Variants in ZMAT4 observed in about 807,000 individuals in gnomAD.
The protein encoded by ZMAT4 is zinc finger matrin-type protein 4.
ZMAT4 carries 17 observed loss-of-function variants against 28.7 expected under a neutral mutation model. The observed-to-expected ratio is 0.59, with a 90% confidence interval of 0.41 to 0.89. The LOEUF is 0.89. Ranked by LOEUF, ZMAT4 falls within the 40% of genes least tolerant of loss-of-function variation. The probability of loss-of-function intolerance (pLI) is 0.00; values close to 1 mark genes in which losing one functional copy is unlikely to be tolerated. For synonymous variants in ZMAT4, 117 were observed against 109.2 expected, an observed-to-expected ratio of 1.07 and a Z score of -0.44; for missense variants, 240 against 283.8, an observed-to-expected ratio of 0.85 and a Z score of 1.11.
chr8:40,844,563 A>G (rs1327779913), intron 1 of ZMAT4, among the ~76,000 whole-genome samples: 1 of 151,828 alleles, frequency 6.6e-6, no homozygotes, highest in African/African-American at 2.4e-5. Context: ...CTCCATTATC[A>G]TGTGAGCTGA....
chr8:40,604,436 C>T (rs760432173), intron 5 of ZMAT4, among the ~76,000 whole-genome samples: 16 of 152,118 alleles, frequency 1.1e-4, no homozygotes, highest in Non-Finnish European at 2.1e-4. Flanking sequence ...TAAAGTGATG[C>T]TGGATTTTGT....
At position 40,767,886 on chromosome 8, in the gene ZMAT4, G is replaced by C. The variant is rs539706789; in HGVS notation, c.103-156C>G. 2.4e-4 allele frequency among the ~76,000 whole-genome samples: 37 copies of C among 152,300 alleles called. No individual in the cohort carries two copies. The South Asian group carries it at 7.5e-3, about 31-fold the overall frequency. On this transcript the variant is annotated intron_variant, in intron 2 of 6. Transcript: ENST00000297737. Reference sequence around the variant, plus strand: ...GGGATGTAGGATGTAGTTTCAGATAGGTTAAGTGGCTTGCCCCAAGTTCTA... The same window carrying C: ...GGGATGTAGGATGTAGTTTCAGATACGTTAAGTGGCTTGCCCCAAGTTCTA...
chr8:40,739,626 TTTTG>T (rs750228554), intron 3 of ZMAT4, among the ~76,000 whole-genome samples: 5 of 152,108 alleles, frequency 3.3e-5, no homozygotes, highest in Non-Finnish European at 7.4e-5. Flanking sequence ...CTATCAGGGT[TTTTG>T]TTTGTTTGTT....
intron 3 of ZMAT4, among the ~76,000 whole-genome samples, chr8:40,766,340 T>C (rs566053292): frequency 6.6e-6 from 1 of 152,378 alleles, no homozygotes; most frequent in South Asian, 2.1e-4. Context: ...AGTGCCTGCA[T>C]GTGATGCTTG....
intron 2 of ZMAT4, among the ~76,000 whole-genome samples, chr8:40,801,349 A>T (rs867993305): frequency 0.013 from 625 of 48,642 alleles, 11 homozygotes; most frequent in East Asian, 0.056. Flanking sequence ...TTTAAAAAAA[A>T]AAATATATAT....
chr8:40,896,494 G>T (rs1412359323), intron 1 of ZMAT4, among the ~76,000 whole-genome samples: 1 of 152,202 alleles, frequency 6.6e-6, no homozygotes, highest in Non-Finnish European at 1.5e-5. Flanking sequence ...ACAAGCAGAA[G>T]CTGCCTTCGC....
chr8:40,818,470 G>C (rs1485736589), intron 2 of ZMAT4, among the ~76,000 whole-genome samples: 1 of 152,212 alleles, frequency 6.6e-6, no homozygotes, highest in Non-Finnish European at 1.5e-5. Flanking sequence ...ATATTACGAA[G>C]ATATTACCCT....
intron 1 of ZMAT4, among the ~76,000 whole-genome samples, chr8:40,836,054 G>T (rs1471338670): frequency 1.3e-5 from 2 of 152,162 alleles, no homozygotes; most frequent in African/African-American, 4.8e-5. Context: ...CTACACAGCA[G>T]CCTCCCCCGT....
rs72008675 is a variant in ZMAT4 at position 40,756,426 on chromosome 8, TTATATATATA to T, written c.192+11205_192+11214del. 0.029 allele frequency among the ~76,000 whole-genome samples: 2,109 copies of T among 73,296 alleles called. 289 individuals carry two copies. The East Asian group carries it at 0.37, about 13-fold the overall frequency. 48.1% of individuals were successfully genotyped at this position (73,296 alleles called of 152,430 possible). A position where few individuals can be genotyped will look rare whatever the true frequency, so the allele number is the denominator to read the frequency against. On this transcript the variant is annotated intron_variant, in intron 3 of 6. Transcript: ENST00000297737. ...AATTTCATGTCTAGGAAATGTTCTTTTATATATATATATATATATATATATATATATACAC... is the reference window on the plus strand; with the variant it reads ...AATTTCATGTCTAGGAAATGTTCTTTTATATATATATATATATATATACAC...
At chr8:40,666,499 A>C (rs1244711390) in intron 5 of ZMAT4, among the ~76,000 whole-genome samples, 2 of 152,278 alleles carry the variant, frequency 1.3e-5, no homozygotes, top group African/African-American at 4.8e-5. Flanking sequence ...AGAATAACAC[A>C]ATTTCACAGG....
intron 1 of ZMAT4, among the ~76,000 whole-genome samples, chr8:40,889,054 C>T (rs929488796): frequency 6.6e-6 from 1 of 152,186 alleles, no homozygotes; most frequent in African/African-American, 2.4e-5. Flanking sequence ...GACTTTGTGA[C>T]CCTGACCAAG....
At chr8:40,655,783 T>C (rs1807892284) in intron 5 of ZMAT4, among the ~76,000 whole-genome samples, 1 of 151,958 alleles carries the variant, frequency 6.6e-6, no homozygotes, top group South Asian at 2.1e-4. Flanking sequence ...TTACTTCAAA[T>C]CACATACAAA....
intron 2 of ZMAT4, among the ~76,000 whole-genome samples, chr8:40,813,519 A>G (rs777142316): frequency 6.6e-6 from 1 of 152,240 alleles, no homozygotes; most frequent in African/African-American, 2.4e-5. Flanking sequence ...AATTCAGTAG[A>G]TGAATCCAAA....
At chr8:40,769,671 A>G (rs887776580) in intron 2 of ZMAT4, among the ~76,000 whole-genome samples, 1 of 152,198 alleles carries the variant, frequency 6.6e-6, no homozygotes. Flanking sequence ...ATTTGTTACC[A>G]TAGAGGAACT....
chr8:40,887,360 G>A (rs1337986803), intron 1 of ZMAT4, among the ~76,000 whole-genome samples: 1 of 151,174 alleles, frequency 6.6e-6, no homozygotes, highest in Non-Finnish European at 1.5e-5. Flanking sequence ...ATCATGGTGG[G>A]CACCTGTAAT....
At chr8:40,781,756 C>A (rs1478170025) in intron 2 of ZMAT4, among the ~76,000 whole-genome samples, 3 of 65,970 alleles carry the variant, frequency 4.5e-5, no homozygotes, top group African/African-American at 5.6e-5. Flanking sequence ...AGCGAGACTC[C>A]GTCTCAAAAA....
Position 40,817,587 on chromosome 8 carries a change from T to G in ZMAT4, c.102+7988A>C, listed in dbSNP as rs534396434. On this transcript the variant is annotated intron_variant, in intron 2 of 6. Coordinates refer to ENST00000297737, the MANE Select transcript of ZMAT4 (RefSeq NM_024645.3). ...TTCTCTTTGTCTTCATTCTTCTTTTTTCTGGTTGAGAAATGTCACTGTTAT... is the reference window on the plus strand; with the variant it reads ...TTCTCTTTGTCTTCATTCTTCTTTTGTCTGGTTGAGAAATGTCACTGTTAT... 3.5e-3 allele frequency among the ~76,000 whole-genome samples: 536 copies of G among 152,326 alleles called. 1 individual carries two copies. The highest frequency in any genetic ancestry group is 4.9e-3 in the Non-Finnish European group (331 of 68,024).
At chr8:40,588,898 A>G (rs185413113) in intron 5 of ZMAT4, among the ~76,000 whole-genome samples, 61 of 152,326 alleles carry the variant, frequency 4.0e-4, no homozygotes, top group Admixed American at 3.6e-3. Context: ...ATGCCCATCA[A>G]CACAAGAATT....
chr8:40,870,758 C>T (rs1817828300), intron 1 of ZMAT4, among the ~76,000 whole-genome samples: 1 of 152,130 alleles, frequency 6.6e-6, no homozygotes, highest in African/African-American at 2.4e-5. Context: ...TAAAAAGAGG[C>T]AATTGACTCA....
Sources: allele counts gnomAD v4.1 joint callset (sites outside exome capture counted in the v4.1 genomes callset), GRCh38; gene constraint gnomAD v4.1.1; transcripts MANE v1.5; gene names NCBI Gene and HGNC (gene_info 2026-07-23, HGNC 2026-07-21).